STK3: variants seen among roughly 807,000 people sequenced by gnomAD.
STK3 encodes the protein serine/threonine kinase 3, also known as serine/threonine-protein kinase 3.
STK3 carries 41 observed loss-of-function variants against 58.0 expected under a neutral mutation model. The ratio of observed to expected loss-of-function variants is 0.71; its 90% CI spans 0.55 to 0.92. The LOEUF (loss-of-function observed/expected upper bound fraction) is 0.92. Among genes scored for constraint, STK3 ranks in the 40% least tolerant of loss-of-function variants. The pLI is 0.00. For missense variants in STK3, 479 were observed against 602.7 expected (o/e 0.79, Z 2.15); for synonymous variants, 170 against 191.0 (o/e 0.89, Z 0.91).
intron 4 of STK3, among the ~76,000 whole-genome samples, chr8:98,719,039 G>A (rs1237774003): frequency 6.6e-6 from 1 of 152,134 alleles, no homozygotes. Flanking sequence ...CAAAAAGAAA[G>A]GAGACACCTT....
At position 98,825,684 on chromosome 8, in the gene STK3, G is replaced by C. The variant is rs1439275998; in HGVS notation, c.-144C>G. On this transcript the variant is annotated 5_prime_UTR_variant, in exon 1 of 11. The change creates a new upstream start codon in the 5' untranslated region. Transcript: ENST00000419617. Reference sequence around the variant, plus strand: ...CCAACTTTCCCGTAACTCCGCGGCGGATCTCCCTCCCGCTTAGGAGCGCGG... The same window carrying C: ...CCAACTTTCCCGTAACTCCGCGGCGCATCTCCCTCCCGCTTAGGAGCGCGG... 2.7e-6 allele frequency: 3 copies of C among 1,107,090 alleles called. No individual in the cohort carries two copies. Among genetic ancestry groups the C allele is most frequent in the Non-Finnish European group, 3.3e-6 (3 of 898,746 alleles). 68.6% of individuals were successfully genotyped at this position (1,107,090 alleles called of 1,614,324 possible). A position where few individuals can be genotyped will look rare whatever the true frequency, so the allele number is the denominator to read the frequency against.
intron 6 of STK3, chr8:98,633,530 G>A: frequency 1.4e-6 from 1 of 700,522 alleles, no homozygotes; most frequent in South Asian, 1.5e-5. Context: ...CTGAGTGCAA[G>A]TAACAGAGAA....
intron 3 of STK3, among the ~76,000 whole-genome samples, chr8:98,870,009 G>A (rs1387789704): frequency 6.6e-6 from 1 of 151,810 alleles, no homozygotes; most frequent in Non-Finnish European, 1.5e-5. Flanking sequence ...CCAACCCCAT[G>A]ACAGGCCCTA....
intron 1 of STK3, chr8:98,906,366 G>A (rs1838900380): frequency 6.6e-6 from 1 of 152,458 alleles, no homozygotes; most frequent in Non-Finnish European, 1.5e-5. Flanking sequence ...CCTCAGCCCT[G>A]TGCACCACAG....
intron 3 of STK3, among the ~76,000 whole-genome samples, chr8:98,849,935 A>G (rs1180466869): frequency 1.3e-5 from 2 of 152,202 alleles, no homozygotes; most frequent in African/African-American, 4.8e-5. Context: ...AAAGGAAAAT[A>G]TGCCTGCAAA....
chr8:98,643,041 A>G (rs1820140397), intron 6 of STK3, among the ~76,000 whole-genome samples: 1 of 152,046 alleles, frequency 6.6e-6, no homozygotes, highest in Admixed American at 6.6e-5. Flanking sequence ...TGAGCAACAT[A>G]GTGAGACCCT....
intron 1 of STK3, among the ~76,000 whole-genome samples, chr8:98,817,840 C>T (rs1834652568): frequency 6.6e-6 from 1 of 152,172 alleles, no homozygotes; most frequent in Non-Finnish European, 1.5e-5. Context: ...TAACCCTCTA[C>T]AATCTACTCT....
chr8:98,874,474 T>G (rs1039477894), intron 3 of STK3, among the ~76,000 whole-genome samples: 1 of 152,214 alleles, frequency 6.6e-6, no homozygotes, highest in Admixed American at 6.5e-5. Flanking sequence ...TGTGACAATT[T>G]GTTACGGCAG....
intron 6 of STK3, among the ~76,000 whole-genome samples, chr8:98,608,332 TC>T (rs1257918956): frequency 6.6e-6 from 1 of 152,040 alleles, no homozygotes; most frequent in African/African-American, 2.4e-5. Context: ...AGCTCTTGGG[TC>T]CTCAATTCTT....
chr8:98,928,705 A>G (rs531349160), intron 1 of STK3, among the ~76,000 whole-genome samples: 2 of 152,304 alleles, frequency 1.3e-5, no homozygotes, highest in South Asian at 2.1e-4. Context: ...TGGCTTTCCA[A>G]AGATTCTACA....
chr8:98,694,591 A>G (rs1324931505), intron 6 of STK3, among the ~76,000 whole-genome samples: 2 of 152,126 alleles, frequency 1.3e-5, no homozygotes, highest in Admixed American at 1.3e-4. Flanking sequence ...ATGAGTGAGA[A>G]CATGTGGTGT....
intron 6 of STK3, among the ~76,000 whole-genome samples, chr8:98,658,353 T>C (rs1821704553): frequency 6.6e-6 from 1 of 152,006 alleles, no homozygotes; most frequent in South Asian, 2.1e-4. Context: ...CTGCTGAGAT[T>C]AGTACCTGCA....
intron 1 of STK3, among the ~76,000 whole-genome samples, chr8:98,446,981 A>C (rs981798620): frequency 1.3e-5 from 2 of 152,152 alleles, no homozygotes; most frequent in Non-Finnish European, 2.9e-5. Context: ...GCAAACAAAC[A>C]CAGGAACAGA....
At chr8:98,552,503 G>A (rs1473236951) in intron 8 of STK3, among the ~76,000 whole-genome samples, 1 of 151,968 alleles carries the variant, frequency 6.6e-6, no homozygotes, top group Admixed American at 6.6e-5. Flanking sequence ...GCTGTTTCTT[G>A]AGCATTCTAA....
chr8:98,803,404 C>G (rs1246247534), intron 1 of STK3, among the ~76,000 whole-genome samples: 1 of 151,894 alleles, frequency 6.6e-6, no homozygotes, highest in Non-Finnish European at 1.5e-5. Flanking sequence ...AGCATCCTAG[C>G]TAACATGGTG....
chr8:98,879,501 T>C (rs1283112009), downstream of STK3: 6 of 152,354 alleles, frequency 3.9e-5, no homozygotes, highest in East Asian at 9.6e-4. Context: ...TTTTTTTCAG[T>C]AAACTGTTAT....
chr8:98,687,457 C>T (rs551150883), intron 6 of STK3, among the ~76,000 whole-genome samples: 1 of 152,156 alleles, frequency 6.6e-6, no homozygotes, highest in Non-Finnish European at 1.5e-5. Context: ...AATTCTTGAT[C>T]GCCCACCGCC....
chr8:98,516,307 C>A (rs1051092373), intron 10 of STK3, among the ~76,000 whole-genome samples: 2 of 151,898 alleles, frequency 1.3e-5, no homozygotes, highest in East Asian at 1.9e-4. Context: ...GGAAAGACAC[C>A]ACAGGTTGAC....
intron 3 of STK3, among the ~76,000 whole-genome samples, chr8:98,414,667 C>A (rs893562793): frequency 1.3e-5 from 2 of 152,234 alleles, no homozygotes; most frequent in Non-Finnish European, 2.9e-5. Flanking sequence ...TTCCTCCTGG[C>A]CACACAGGTA....
Sources: gnomAD v4.1 joint callset for allele counts (sites outside exome capture counted in the v4.1 genomes callset) on GRCh38, gnomAD v4.1.1 for gene constraint, MANE v1.5 for transcripts, NCBI Gene and HGNC (gene_info 2026-07-23, HGNC 2026-07-21) for gene names.